The following LILRB1 variants were observed in gnomAD, a reference collection of about 807,000 sequenced individuals.
The protein encoded by LILRB1 is leukocyte immunoglobulin like receptor B1, also known as leukocyte immunoglobulin-like receptor subfamily B member 1.
LILRB1 carries 59 observed loss-of-function variants against 74.6 expected under a neutral mutation model. That is an observed-to-expected ratio of 0.79 (90% CI 0.64 to 0.98). The LOEUF (loss-of-function observed/expected upper bound fraction) is 0.98, where lower values mean the gene tolerates loss of function less well. Ranked by LOEUF, LILRB1 falls within the 50% of genes least tolerant of loss-of-function variation. The pLI is 0.00. For synonymous variants in LILRB1, 328 were observed against 333.9 expected (o/e 0.98, Z 0.19); for missense variants, 804 against 822.6 (o/e 0.98, Z 0.28).
intron 9 of LILRB1, chr19:54,634,272 C>G (rs1022647205): frequency 6.5e-7 from 1 of 1,530,362 alleles, no homozygotes; most frequent in African/African-American, 1.4e-5. Context: ...CCGCGGGGGC[C>G]TGTCCCGTCC....
chr19:54,629,816 T>C (rs1456741343), upstream of LILRB1, among the ~76,000 whole-genome samples: 3 of 152,168 alleles, frequency 2.0e-5, no homozygotes, highest in East Asian at 3.9e-4. Flanking sequence ...TTCTTTCCTG[T>C]GGATCCATCT....
intron 1 of LILRB1, among the ~76,000 whole-genome samples, chr19:54,622,103 T>C (rs980471247): frequency 6.6e-6 from 1 of 152,236 alleles, no homozygotes; most frequent in Non-Finnish European, 1.5e-5. Context: ...TAGTATAACT[T>C]GAAATCAGGC....
chr19:54,624,657 G>C lies in LILRB1; in HGVS notation c.-165-5860G>C, dbSNP rs148731111. The stretch of plus-strand genomic sequence containing the variant: ...GGTAGGAAAGGGCAGGTAGTTCCCG[G>C]ATCACAGGCCCCTAGGTGGCCGGCT... On this transcript the variant is annotated intron_variant, in intron 1 of 15. Coordinates refer to the LILRB1 transcript ENST00000396331. Among the ~76,000 whole-genome samples the C allele has an allele frequency of 6.9e-3, 1,053 of 152,262 alleles. 18 individuals carry two copies. The highest frequency in any genetic ancestry group is 0.024 in the African/African-American group (996 of 41,532).
At chr19:54,625,580 T>G (rs2063558475), upstream of LILRB1, among the ~76,000 whole-genome samples, 1 of 151,930 alleles carries the variant, frequency 6.6e-6, no homozygotes, top group Non-Finnish European at 1.5e-5. Context: ...ACCCACTCAA[T>G]CTTTCCCTTT....
Position 54,636,957 on chromosome 19 carries a change from C to G in LILRB1, c.*79C>G. On this transcript the variant is annotated 3_prime_UTR_variant, in exon 15 of 15. Coordinates refer to ENST00000324602, the MANE Select transcript of LILRB1 (RefSeq NM_001081637.3). ...TGCCCCCCCAGTGGACACCATTGGACCCCACCCAGCCTGGATCTACCCCAG... is the reference window on the plus strand; with the variant it reads ...TGCCCCCCCAGTGGACACCATTGGAGCCCACCCAGCCTGGATCTACCCCAG... 6 of 1,566,398 alleles carry G rather than the reference C, an allele frequency of 3.8e-6. No individual in the cohort carries two copies. The highest frequency in any genetic ancestry group is 3.4e-4 in the Middle Eastern group (2 of 5,862).
upstream of LILRB1, among the ~76,000 whole-genome samples, chr19:54,629,096 A>G (rs1373507476): frequency 6.6e-6 from 1 of 152,206 alleles, no homozygotes; most frequent in Non-Finnish European, 1.5e-5. Flanking sequence ...GGAGCAACGC[A>G]GCCTTGAATT....
intron 10 of LILRB1, 92 bp downstream of exon 10, chr19:54,634,855 T>C (rs565795842): frequency 6.5e-7 from 1 of 1,542,704 alleles, no homozygotes; most frequent in South Asian, 1.2e-5. Context: ...AAATGCAGCT[T>C]TGAGAAACTG....
At chr19:54,620,684 G>T (rs921607047) in intron 1 of LILRB1, among the ~76,000 whole-genome samples, 1 of 152,092 alleles carries the variant, frequency 6.6e-6, no homozygotes, top group Non-Finnish European at 1.5e-5. Context: ...AACACCAAGT[G>T]CAGCATCCCA....
At position 54,631,307 on chromosome 19, in the gene LILRB1, G is replaced by A; in HGVS notation, c.70+1G>A. On this transcript the variant is annotated splice_donor_variant, in intron 3 of 14. Coordinates refer to ENST00000324602, the MANE Select transcript of LILRB1 (RefSeq NM_001081637.3). LOFTEE classifies it high-confidence loss of function. ...GGCCCCCGGACCCACGTGCAGGCAG[G>A]TGAGTCTGTCCCCAGCTCTTCCAGG... 1.9e-6 allele frequency: 3 copies of A among 1,613,406 alleles called. No homozygotes were observed. The highest frequency in any genetic ancestry group is 2.5e-6 in the Non-Finnish European group (3 of 1,179,924).
At chr19:54,625,451 C>T (rs111839477), upstream of LILRB1, among the ~76,000 whole-genome samples, 6,837 of 152,214 alleles carry the variant, frequency 0.045, 214 homozygotes, top group Non-Finnish European at 0.063. Context: ...GCTCCAGAGG[C>T]GCCTCTGCAC....
chr19:54,618,685 A>G (rs560800745), intron 1 of LILRB1, among the ~76,000 whole-genome samples: 1 of 152,356 alleles, frequency 6.6e-6, no homozygotes, highest in East Asian at 1.9e-4. Context: ...ATAATTTTTA[A>G]TAAATAAGCC....
In LILRB1 at chr19:54,633,268, A is replaced by T. The variant is rs374987978; in HGVS notation, c.1211A>T (p.Lys404Ile). ...TYRCYGSQSS[K>I]PYLLTHPSDP... Reference sequence around the variant, plus strand: ...AGGTGCTACGGCTCACAGAGCTCCAAACCCTACCTGCTGACTCACCCCAGT... The same window carrying T: ...AGGTGCTACGGCTCACAGAGCTCCATACCCTACCTGCTGACTCACCCCAGT... The change falls in exon 7 of 15, where the codon AAA (lysine) becomes ATA (isoleucine). Residue 404 changes from lysine to isoleucine, a missense_variant. Coordinates refer to ENST00000324602, the MANE Select transcript of LILRB1 (RefSeq NM_001081637.3). 1.7e-5 allele frequency: 27 copies of T among 1,613,838 alleles called. No individual in the cohort carries two copies. The highest frequency in any genetic ancestry group is 2.3e-5 in the Non-Finnish European group (27 of 1,179,958).
rs2064256472 is a variant in LILRB1 at position 54,634,890 on chromosome 19, T to C, written c.1486+127T>C. 6 of 1,518,288 alleles carry C rather than the reference T, an allele frequency of 4.0e-6. No individual in the cohort carries two copies. The South Asian group carries it at 7.7e-5, about 19-fold the overall frequency. The allele number at this position is 1,518,288 out of a possible 1,614,324, so 94.1% of individuals were successfully genotyped here. ...GTTCCAGCATTTCTCACCAGGCCAA[T>C]CGACAGTCAGTCCCATCTACAAATG... On this transcript the variant is annotated intron_variant, in intron 10 of 14. Transcript: ENST00000324602.
At chr19:54,619,245 C>A (rs2146146059) in intron 1 of LILRB1, among the ~76,000 whole-genome samples, 1 of 152,030 alleles carries the variant, frequency 6.6e-6, no homozygotes, top group South Asian at 2.1e-4. Context: ...AATAAAATAA[C>A]TGATAGTTCA....
upstream of LILRB1, among the ~76,000 whole-genome samples, chr19:54,625,499 G>T (rs1338494652): frequency 1.3e-5 from 2 of 152,146 alleles, no homozygotes; most frequent in Non-Finnish European, 2.9e-5. Flanking sequence ...TAGGCCAAGG[G>T]GGGTCAGGGG....
At chr19:54,630,356 C>A (rs571405162), upstream of LILRB1, 2 of 276,740 alleles carry the variant, frequency 7.2e-6, no homozygotes, top group East Asian at 1.8e-4. Context: ...GATTTGTTCC[C>A]GGGGGGTGGG....
chr19:54,626,089 G>T (rs542734047), upstream of LILRB1, among the ~76,000 whole-genome samples: 1 of 152,308 alleles, frequency 6.6e-6, no homozygotes, highest in African/African-American at 2.4e-5. Context: ...TGACCTGTTG[G>T]TATTTACTCA....
intron 1 of LILRB1, among the ~76,000 whole-genome samples, chr19:54,618,609 A>G (rs2063375241): frequency 6.6e-6 from 1 of 152,364 alleles, no homozygotes; most frequent in Non-Finnish European, 1.5e-5. Context: ...TGGGAGTTCA[A>G]GAGCAGCCTG....
chr19:54,636,435 A>T (rs951492911), intron 13 of LILRB1, 59 bp from the exon 14 acceptor site: 3 of 1,595,180 alleles, frequency 1.9e-6, no homozygotes, highest in South Asian at 2.3e-5. Flanking sequence ...CAGTGAGGAA[A>T]ATTGACTCCA....
Sources: allele counts gnomAD v4.1 joint callset (sites outside exome capture counted in the v4.1 genomes callset), GRCh38; gene constraint gnomAD v4.1.1; transcripts MANE v1.5; gene names NCBI Gene and HGNC (gene_info 2026-07-23, HGNC 2026-07-21).